Variants in EXOC6B observed in about 807,000 individuals in gnomAD.
EXOC6B encodes SEC15 homolog B.
Under a neutral mutation model 113.5 loss-of-function variants are expected in EXOC6B, and 54 were observed. The ratio of observed to expected loss-of-function variants is 0.48; its 90% CI spans 0.38 to 0.60. The LOEUF is 0.60. Ranked by LOEUF, EXOC6B falls within the 20% of genes least tolerant of loss-of-function variation. The pLI is 0.00. For missense variants in EXOC6B, 797 were observed against 977.5 expected (o/e 0.82, Z 2.46); for synonymous variants, 357 against 339.0 (o/e 1.05, Z -0.58).
At chr2:72,594,119 C>G in intron 6 of EXOC6B, among the ~76,000 whole-genome samples, 1 of 152,152 alleles carries the variant, frequency 6.6e-6, no homozygotes, top group Middle Eastern at 3.4e-3. Context: ...TAGTTGGGAC[C>G]ACAGGGGCAT....
rs934574693 is a variant in EXOC6B, at chr2:72,542,283, A to G, written c.915+17170T>C. On this transcript the variant is annotated intron_variant, in intron 8 of 21. Coordinates refer to ENST00000272427, the MANE Select transcript of EXOC6B (RefSeq NM_015189.3). ...AAACTCTAGTTAAAGATTCTGAAGT[A>G]AAAAAAAAATGAGATGGATCTTGCT... 2.0e-5 allele frequency among the ~76,000 whole-genome samples: 3 copies of G among 149,812 alleles called. No homozygotes were observed. In the Admixed American group the frequency reaches 2.0e-4, roughly 10 times the overall value.
chr2:72,480,045 A>G (rs1698984344), intron 17 of EXOC6B, among the ~76,000 whole-genome samples: 1 of 152,140 alleles, frequency 6.6e-6, no homozygotes, highest in South Asian at 2.1e-4. Context: ...TCTACTAAAA[A>G]TACTAAAAAT....
At chr2:72,465,013 T>A in intron 18 of EXOC6B, 147 bp downstream of exon 18, 1 of 660,656 alleles carries the variant, frequency 1.5e-6, no homozygotes, top group East Asian at 2.7e-5. Flanking sequence ...CCTCTACATA[T>A]CATTAAAGGT....
chr2:72,401,648 T>C lies in EXOC6B; in HGVS notation c.1981-21778A>G, dbSNP rs1374790001. Among the ~76,000 whole-genome samples, 18 of 51,360 alleles carry C rather than the reference T, an allele frequency of 3.5e-4. 1 individual carries two copies. Among genetic ancestry groups the C allele is most frequent in the South Asian group, 1.7e-3 (4 of 2,334 alleles). The allele number at this position is 51,360 out of a possible 152,430, so 33.7% of individuals were successfully genotyped here. On this transcript the variant is annotated intron_variant, in intron 18 of 21. Coordinates refer to ENST00000272427, the MANE Select transcript of EXOC6B (RefSeq NM_015189.3). ...ATATATATATATATACATATATACA[T>C]ATATATATATATATATATGTATATA... is the stretch of plus-strand genomic sequence containing the variant.
At chr2:72,227,241 T>C (rs535480559) in intron 20 of EXOC6B, among the ~76,000 whole-genome samples, 61 of 152,150 alleles carry the variant, frequency 4.0e-4, no homozygotes, top group Non-Finnish European at 6.5e-4. Context: ...ATTTAAAATA[T>C]GAGGATGCAG....
chr2:72,223,189 T>C (rs751151691), intron 20 of EXOC6B, among the ~76,000 whole-genome samples: 2 of 152,092 alleles, frequency 1.3e-5, no homozygotes, highest in South Asian at 2.1e-4. Context: ...CTGATTTCAA[T>C]AGCTAACAGT....
chr2:72,573,851 C>T (rs141715998), intron 7 of EXOC6B, among the ~76,000 whole-genome samples: 8 of 152,246 alleles, frequency 5.3e-5, no homozygotes, highest in South Asian at 2.1e-4. Flanking sequence ...TGCGGTGGCT[C>T]ACGCCTATAA....
rs555387144 is a variant in EXOC6B, at chr2:72,553,704, A to G, written c.915+5749T>C. ...CTGAATTCATCATATGGAAAAAAAT[A>G]AAGCCTCATATTATACAAGAGGTCT... On this transcript the variant is annotated intron_variant, in intron 8 of 21. Transcript: ENST00000272427. Among the ~76,000 whole-genome samples, 8 of 152,252 alleles carry G rather than the reference A, an allele frequency of 5.3e-5. 1 individual carries two copies. Among genetic ancestry groups the G allele is most frequent in the African/African-American group, 1.9e-4 (8 of 41,572 alleles).
intron 5 of EXOC6B, among the ~76,000 whole-genome samples, chr2:72,728,519 C>G (rs910241486): frequency 6.6e-6 from 1 of 152,128 alleles, no homozygotes; most frequent in Non-Finnish European, 1.5e-5. Flanking sequence ...CTCCCAAACT[C>G]TCAGTGACTT....
chr2:72,524,136 G>A (rs1388328794), intron 8 of EXOC6B, among the ~76,000 whole-genome samples: 1 of 142,836 alleles, frequency 7.0e-6, no homozygotes, highest in East Asian at 2.1e-4. Context: ...GTGAAGACAG[G>A]TTTATACAGA....
At chr2:72,472,434 T>C (rs1414985528) in intron 17 of EXOC6B, among the ~76,000 whole-genome samples, 1 of 152,138 alleles carries the variant, frequency 6.6e-6, no homozygotes, top group African/African-American at 2.4e-5. Flanking sequence ...TCAATCTTAG[T>C]AGGTTGTACA....
intron 1 of EXOC6B, among the ~76,000 whole-genome samples, chr2:72,743,255 T>C (rs1192133375): frequency 6.6e-6 from 1 of 152,134 alleles, no homozygotes; most frequent in African/African-American, 2.4e-5. Flanking sequence ...CATTCTGCAC[T>C]TTCCATCTAC....
intron 20 of EXOC6B, among the ~76,000 whole-genome samples, chr2:72,201,138 T>C (rs949236577): frequency 6.6e-6 from 1 of 152,212 alleles, no homozygotes; most frequent in Non-Finnish European, 1.5e-5. Context: ...TGTGACATTA[T>C]ACATAATATT....
At chr2:72,745,929 T>G (rs1399820305) in intron 1 of EXOC6B, among the ~76,000 whole-genome samples, 1 of 152,162 alleles carries the variant, frequency 6.6e-6, no homozygotes, top group African/African-American at 2.4e-5. Flanking sequence ...TGTGGCATTT[T>G]TTTCTTTTAA....
chr2:72,479,120 G>A (rs1053289637), intron 17 of EXOC6B, among the ~76,000 whole-genome samples: 1 of 152,036 alleles, frequency 6.6e-6, no homozygotes, highest in African/African-American at 2.4e-5. Flanking sequence ...AGTATCATTA[G>A]ACATTGTGAA....
At chr2:72,800,030 A>G (rs1234043081) in intron 1 of EXOC6B, among the ~76,000 whole-genome samples, 1 of 152,092 alleles carries the variant, frequency 6.6e-6, no homozygotes, top group Non-Finnish European at 1.5e-5. Flanking sequence ...ATGCCCCTGC[A>G]CTCTAGCCTG....
rs1237385156 is a variant in EXOC6B, at chr2:72,823,459, G to GAAAA, written c.113+2335_113+2338dup. 8.7e-3 allele frequency among the ~76,000 whole-genome samples: 606 copies of GAAAA among 69,892 alleles called. 62 individuals carry two copies. Among genetic ancestry groups the GAAAA allele is most frequent in the African/African-American group, 0.016 (190 of 12,222 alleles). 45.9% of individuals were successfully genotyped at this position (69,892 alleles called of 152,430 possible). ...CCAACTTCTCAAATCAAAGTTTTAA[G>GAAAA]AAAAAAAAAAAAAAAAAAACAAAAA... On this transcript the variant is annotated intron_variant, in intron 1 of 21. Transcript: ENST00000272427.
chr2:72,375,373 T>A (rs370214774), intron 19 of EXOC6B, among the ~76,000 whole-genome samples: 19 of 152,110 alleles, frequency 1.2e-4, no homozygotes, highest in African/African-American at 3.9e-4. Context: ...TCTTTCTAAG[T>A]GCAAATGGAA....
chr2:72,269,661 T>C (rs187408549), intron 20 of EXOC6B, among the ~76,000 whole-genome samples: 49 of 152,172 alleles, frequency 3.2e-4, no homozygotes, highest in African/African-American at 1.1e-3. Context: ...AAGGCAACCT[T>C]TGACATCAGA....
Sources: allele counts gnomAD v4.1 joint callset (sites outside exome capture counted in the v4.1 genomes callset), GRCh38; gene constraint gnomAD v4.1.1; transcripts MANE v1.5; gene names NCBI Gene and HGNC (gene_info 2026-07-23, HGNC 2026-07-21).